Variants in BAZ1A observed in about 807,000 individuals in gnomAD.
The protein encoded by BAZ1A is bromodomain adjacent to zinc finger domain protein 1A.
In BAZ1A, 50 loss-of-function variants were observed where a neutral mutation model predicts 185.2. The observed-to-expected ratio is 0.27, with a 90% CI of 0.22 to 0.34. BAZ1A has a LOEUF of 0.34. Among genes scored for constraint, BAZ1A ranks in the 10% least tolerant of loss-of-function variants. BAZ1A has a pLI of 1.00. For missense variants in BAZ1A, 1,356 were observed against 1,839.9 expected, an observed-to-expected ratio of 0.74 and a Z score of 4.81; for synonymous variants, 571 against 615.6, an observed-to-expected ratio of 0.93 and a Z score of 1.07.
At chr14:34,861,293 A>G (rs1295596286) in intron 3 of BAZ1A, among the ~76,000 whole-genome samples, 14 of 152,336 alleles carry the variant, frequency 9.2e-5, no homozygotes, top group East Asian at 5.8e-4. Context: ...TTCAGACTTG[A>G]GGAAAACATT....
intron 2 of BAZ1A, among the ~76,000 whole-genome samples, chr14:34,866,328 G>A (rs1481198960): frequency 1.3e-5 from 2 of 150,190 alleles, no homozygotes; most frequent in African/African-American, 2.4e-5. Flanking sequence ...TACTAAAAAC[G>A]GAAAAATTAG....
At chr14:34,757,310 A>T (rs2138526309) in intron 25 of BAZ1A, among the ~76,000 whole-genome samples, 1 of 146,632 alleles carries the variant, frequency 6.8e-6, no homozygotes, top group Admixed American at 7.0e-5. Context: ...GGTTGTAGTG[A>T]GCTGAGATCG....
chr14:34,841,290 T>C (rs1306875741), intron 3 of BAZ1A, among the ~76,000 whole-genome samples: 3 of 152,206 alleles, frequency 2.0e-5, no homozygotes. Context: ...TTGCCAATCA[T>C]AGCAAATTAT....
At chr14:34,759,171 G>GTTTTGT (rs1555336946) in intron 24 of BAZ1A, among the ~76,000 whole-genome samples, 5 of 66,468 alleles carry the variant, frequency 7.5e-5, no homozygotes, top group African/African-American at 2.6e-4. Context: ...TACAGCTACA[G>GTTTTGT]TTTTTTTTTT....
intron 7 of BAZ1A, among the ~76,000 whole-genome samples, chr14:34,801,681 G>A (rs925824054): frequency 6.6e-6 from 1 of 152,092 alleles, no homozygotes; most frequent in Non-Finnish European, 1.5e-5. Flanking sequence ...AGCCACGGCG[G>A]GTAGAATACT....
At chr14:34,842,715 T>G (rs575029756) in intron 3 of BAZ1A, among the ~76,000 whole-genome samples, 1 of 152,320 alleles carries the variant, frequency 6.6e-6, no homozygotes, top group African/African-American at 2.4e-5. Flanking sequence ...TCATACACAC[T>G]TATTCCTCCC....
At chr14:34,787,657 T>C (rs914380242) in intron 12 of BAZ1A, among the ~76,000 whole-genome samples, 2 of 152,156 alleles carry the variant, frequency 1.3e-5, no homozygotes, top group Non-Finnish European at 2.9e-5. Flanking sequence ...CACTCCAGCC[T>C]GGGCGACAGA....
intron 2 of BAZ1A, among the ~76,000 whole-genome samples, chr14:34,872,270 C>T (rs766190592): frequency 6.6e-6 from 1 of 152,062 alleles, no homozygotes; most frequent in Non-Finnish European, 1.5e-5. Context: ...TTTAAATGCC[C>T]TAAGACTACA....
intron 3 of BAZ1A, among the ~76,000 whole-genome samples, chr14:34,835,393 A>C (rs2042312488): frequency 6.6e-6 from 1 of 151,886 alleles, no homozygotes; most frequent in Non-Finnish European, 1.5e-5. Context: ...TCAGTCACAC[A>C]ACCAGTAATG....
At chr14:34,766,607 C>T (rs781441109) in intron 21 of BAZ1A, among the ~76,000 whole-genome samples, 2 of 152,170 alleles carry the variant, frequency 1.3e-5, no homozygotes, top group African/African-American at 4.8e-5. Context: ...TTCACCTAGA[C>T]TTCGGCGTTG....
chr14:34,756,113 T>C (rs8017454), intron 25 of BAZ1A, among the ~76,000 whole-genome samples: 1 of 141,346 alleles, frequency 7.1e-6, no homozygotes, highest in Admixed American at 7.3e-5. Context: ...ACTGGTTTTT[T>C]TCTTTTTTTT....
chr14:34,802,425 T>G (rs192511721), intron 7 of BAZ1A, among the ~76,000 whole-genome samples: 1 of 152,204 alleles, frequency 6.6e-6, no homozygotes, highest in East Asian at 1.9e-4. Flanking sequence ...ACTCCAAGAC[T>G]CAAATGTCCA....
Position 34,773,634 on chromosome 14 carries a change from A to T in BAZ1A, c.3090T>A (p.Thr1030=), listed in dbSNP as rs372768570. 6.2e-6 allele frequency: 10 copies of T among 1,612,938 alleles called. No homozygotes were observed. The African/African-American group carries it at 1.2e-4, about 19-fold the overall frequency. ...EENKENGIIK[T]VNEDVEEMEI... ...CCATCTCTTCTACGTCTTCATTCAC[A>T]GTTTTAATTATCCCATTTTCCTTGT... The change falls in exon 20 of 27, where the codon ACT becomes ACA. Residue 1030 remains threonine, a synonymous_variant. Transcript: ENST00000360310.
At chr14:34,762,268 T>G (rs372560606) in intron 23 of BAZ1A, 45 bp from the exon 24 acceptor site, 9 of 1,542,992 alleles carry the variant, frequency 5.8e-6, no homozygotes, top group Admixed American at 1.8e-5. Context: ...AGAGCAATGA[T>G]GAACATATGA....
At chr14:34,871,647 T>C (rs1359985522) in intron 2 of BAZ1A, among the ~76,000 whole-genome samples, 2 of 152,314 alleles carry the variant, frequency 1.3e-5, no homozygotes, top group East Asian at 3.9e-4. Flanking sequence ...CCGAGGCAGG[T>C]GGATCACCTG....
At chr14:34,856,853 C>T (rs560483248) in intron 3 of BAZ1A, among the ~76,000 whole-genome samples, 8 of 62,094 alleles carry the variant, frequency 1.3e-4, no homozygotes, top group Non-Finnish European at 2.6e-4. Context: ...GAACGAAACT[C>T]GGTCTCAAAA....
At chr14:34,777,836 CA>C (rs1428520745) in intron 17 of BAZ1A, among the ~76,000 whole-genome samples, 1 of 151,762 alleles carries the variant, frequency 6.6e-6, no homozygotes, top group Non-Finnish European at 1.5e-5. Context: ...ACTAAAAATA[CA>C]AAAATCAGCC....
chr14:34,855,033 C>T (rs556881124), intron 3 of BAZ1A, among the ~76,000 whole-genome samples: 2 of 152,148 alleles, frequency 1.3e-5, no homozygotes, highest in South Asian at 4.1e-4. Context: ...GAGCTGAGAT[C>T]GCGCCACTGC....
intron 3 of BAZ1A, among the ~76,000 whole-genome samples, chr14:34,832,972 T>C (rs1267658186): frequency 6.6e-6 from 1 of 152,164 alleles, no homozygotes; most frequent in Admixed American, 6.6e-5. Flanking sequence ...TAATGGAACA[T>C]TCAGACATAA....
Sources: allele counts gnomAD v4.1 joint callset (sites outside exome capture counted in the v4.1 genomes callset), GRCh38; gene constraint gnomAD v4.1.1; transcripts MANE v1.5; gene names NCBI Gene and HGNC (gene_info 2026-07-23, HGNC 2026-07-21).